CFAP69: variants seen among roughly 807,000 people sequenced by gnomAD.
CFAP69 encodes cilia- and flagella-associated protein 69.
Under a neutral mutation model 123.0 loss-of-function variants are expected in CFAP69, and 92 were observed. The ratio of observed to expected loss-of-function variants is 0.75; its 90% CI spans 0.63 to 0.89. The LOEUF (loss-of-function observed/expected upper bound fraction) is 0.89. CFAP69 is among the 40% of genes least tolerant of loss of function. The probability of loss-of-function intolerance (pLI) is 0.00; values close to 1 mark genes in which losing one functional copy is unlikely to be tolerated. For synonymous variants in CFAP69, 380 were observed against 364.3 expected (o/e 1.04, Z -0.49); for missense variants, 1,067 against 1,096.9 (o/e 0.97, Z 0.39).
At chr7:90,264,091 G>GAAAAAAA (rs1165222104) in intron 4 of CFAP69, among the ~76,000 whole-genome samples, 7 of 17,988 alleles carry the variant, frequency 3.9e-4, no homozygotes, top group Admixed American at 1.1e-3. Flanking sequence ...ACTCCATCTC[G>GAAAAAAA]AAAAAAAAAA....
At chr7:90,294,251 A>G (rs1437695413) in intron 15 of CFAP69, among the ~76,000 whole-genome samples, 2 of 152,186 alleles carry the variant, frequency 1.3e-5, no homozygotes, top group Non-Finnish European at 2.9e-5. Flanking sequence ...AAAACCTGAT[A>G]CCTGATCTGC....
chr7:90,255,378 G>A (rs1240246357), intron 1 of CFAP69, 45 bp from the exon 2 acceptor site: 2 of 1,448,254 alleles, frequency 1.4e-6, no homozygotes, highest in African/African-American at 2.8e-5. Flanking sequence ...ATGACTTATT[G>A]ATATAGAAGA....
chr7:90,310,521 A>G lies in CFAP69; in HGVS notation c.*283A>G, dbSNP rs1308893330. On this transcript the variant is annotated 3_prime_UTR_variant, in exon 23 of 23. Transcript: ENST00000389297. ...GGACTCTGTTGGTTGCATGTGAACT[A>G]TTCTAACTAGTTTAAGTCAGAAAAA... The G allele has an allele frequency of 2.2e-5, 4 of 179,980 alleles. No homozygotes were observed. The highest frequency in any genetic ancestry group is 4.6e-5 in the Non-Finnish European group (4 of 87,582). 11.1% of individuals were successfully genotyped at this position (179,980 alleles called of 1,614,324 possible). A position where few individuals can be genotyped will look rare whatever the true frequency, so the allele number is the denominator to read the frequency against.
At chr7:90,254,614 G>C (rs1797425626) in intron 1 of CFAP69, among the ~76,000 whole-genome samples, 3 of 152,130 alleles carry the variant, frequency 2.0e-5, no homozygotes, top group African/African-American at 7.2e-5. Flanking sequence ...TGAGAGCACG[G>C]CATTTTTCTA....
chr7:90,276,636 A>T (rs1788653894), intron 9 of CFAP69, among the ~76,000 whole-genome samples: 1 of 152,186 alleles, frequency 6.6e-6, no homozygotes, highest in Non-Finnish European at 1.5e-5. Context: ...CAAACATTTG[A>T]CATAACAAGA....
intron 16 of CFAP69, among the ~76,000 whole-genome samples, chr7:90,298,487 A>G (rs539344855): frequency 6.6e-6 from 1 of 152,330 alleles, no homozygotes; most frequent in Admixed American, 6.5e-5. Context: ...ACAGAGTTCT[A>G]GCCCGCTCCC....
At chr7:90,303,798 A>C in intron 17 of CFAP69, 171 bp from the exon 18 acceptor site, 1 of 1,193,600 alleles carries the variant, frequency 8.4e-7, no homozygotes, top group Non-Finnish European at 1.0e-6. Context: ...GTGGGGAAGA[A>C]ATAGCTGCTT....
chr7:90,307,917 T>C, intron 21 of CFAP69, 63 bp downstream of exon 21: 1 of 1,052,386 alleles, frequency 9.5e-7, no homozygotes, highest in South Asian at 1.4e-5. Flanking sequence ...ACAGACTTTT[T>C]CAGGAACAAA....
At chr7:90,278,169 G>T (rs917087039) in intron 11 of CFAP69, among the ~76,000 whole-genome samples, 3 of 152,066 alleles carry the variant, frequency 2.0e-5, no homozygotes, top group African/African-American at 7.2e-5. Flanking sequence ...AGAAAGATGG[G>T]GTAGTCTAGC....
At position 90,296,490 on chromosome 7, in the gene CFAP69, G is replaced by A. The variant is rs1562911259; in HGVS notation, c.1776-1259G>A. 2.6e-5 allele frequency among the ~76,000 whole-genome samples: 4 copies of A among 152,094 alleles called. No homozygotes were observed. The South Asian group carries it at 8.3e-4, about 32-fold the overall frequency. ...TTACAGGCGCCCACCACCATGCCCG[G>A]CTGATTCTTGTATTTTTAGTAGAGA... On this transcript the variant is annotated intron_variant, in intron 15 of 22. Coordinates refer to ENST00000389297, the MANE Select transcript of CFAP69 (RefSeq NM_001039706.3).
intron 8 of CFAP69, among the ~76,000 whole-genome samples, chr7:90,273,042 C>T (rs1405396067): frequency 1.3e-5 from 2 of 152,028 alleles, no homozygotes; most frequent in African/African-American, 4.8e-5. Context: ...CAAGTAGGTC[C>T]CAGGAGGCAA....
chr7:90,245,532 C>CG lies in CFAP69; in HGVS notation c.109dup (p.Asp37GlyfsTer2). Reference sequence around the variant, plus strand: ...CGGTGGTTGGGGTGGTGACGGAGGACGATGAGGCGCAGGTATGAGCAGGTG... The same window carrying CG: ...CGGTGGTTGGGGTGGTGACGGAGGACGGATGAGGCGCAGGTATGAGCAGGTG... On this transcript the variant is annotated frameshift_variant, in exon 1 of 23. Transcript: ENST00000389297. LOFTEE classifies it high-confidence loss of function. 1 of 1,502,600 alleles carries CG rather than the reference C, an allele frequency of 6.7e-7. No individual in the cohort carries two copies. The highest frequency in any genetic ancestry group is 8.9e-7 in the Non-Finnish European group (1 of 1,127,366). The allele number at this position is 1,502,600 out of a possible 1,614,324, so 93.1% of individuals were successfully genotyped here. A position where few individuals can be genotyped will look rare whatever the true frequency, so the allele number is the denominator to read the frequency against.
chr7:90,250,233 A>G (rs1465290912), intron 1 of CFAP69, among the ~76,000 whole-genome samples: 1 of 135,384 alleles, frequency 7.4e-6, no homozygotes, highest in Non-Finnish European at 1.6e-5. Flanking sequence ...AGAGAGAGAG[A>G]GACTCCTTGG....
At chr7:90,288,981 C>A (rs533521743) in intron 15 of CFAP69, among the ~76,000 whole-genome samples, 7 of 151,628 alleles carry the variant, frequency 4.6e-5, no homozygotes, top group African/African-American at 1.7e-4. Context: ...TATAGCCATA[C>A]AAAAATATTT....
intron 6 of CFAP69, among the ~76,000 whole-genome samples, chr7:90,268,670 T>C (rs1194717008): frequency 6.6e-6 from 1 of 152,168 alleles, no homozygotes; most frequent in Non-Finnish European, 1.5e-5. Context: ...TGTTATTTAA[T>C]ACCATTGATA....
intron 15 of CFAP69, among the ~76,000 whole-genome samples, chr7:90,290,011 T>A (rs776293920): frequency 3.3e-5 from 5 of 152,184 alleles, no homozygotes; most frequent in Non-Finnish European, 5.9e-5. Context: ...TAATTAGGTC[T>A]TGATAAGTCT....
Position 90,245,471 on chromosome 7 carries a change from G to A in CFAP69, c.47G>A (p.Gly16Asp). The A allele has an allele frequency of 1.3e-6, 2 of 1,554,036 alleles. No individual in the cohort carries two copies. The highest frequency in any genetic ancestry group is 2.6e-5 in the East Asian group (1 of 38,606). Residue 16 changes from glycine (G) to aspartate (D), a missense_variant, in exon 1 of 23, where the codon GGC becomes GAC. Coordinates refer to ENST00000389297, the MANE Select transcript of CFAP69 (RefSeq NM_001039706.3). ...GCGACCGCCGAGGCCCAGGAATCCG[G>A]CATCAGGAACAAGTCTAGCAGTTCC... ...AGATAEAQES[G>D]IRNKSSSSSQ...
At chr7:90,248,063 T>C (rs1157180408) in intron 1 of CFAP69, among the ~76,000 whole-genome samples, 1 of 152,210 alleles carries the variant, frequency 6.6e-6, no homozygotes, top group Non-Finnish European at 1.5e-5. Flanking sequence ...TTGTTCCCAC[T>C]GGCTTCCAGG....
At chr7:90,294,479 T>C (rs1584499924) in intron 15 of CFAP69, among the ~76,000 whole-genome samples, 1 of 151,852 alleles carries the variant, frequency 6.6e-6, no homozygotes, top group Non-Finnish European at 1.5e-5. Flanking sequence ...TACATTTAAA[T>C]ATGGAGACAC....
Sources: allele counts gnomAD v4.1 joint callset (sites outside exome capture counted in the v4.1 genomes callset), GRCh38; gene constraint gnomAD v4.1.1; transcripts MANE v1.5; gene names NCBI Gene and HGNC (gene_info 2026-07-23, HGNC 2026-07-21).